Variants in SPHK2 observed in about 807,000 individuals in gnomAD.
SPHK2 encodes the protein sphingosine kinase 2.
In SPHK2, 18 loss-of-function variants were observed where a neutral mutation model predicts 32.3. The ratio of observed to expected loss-of-function variants is 0.56; its 90% CI spans 0.39 to 0.83. The LOEUF is 0.83. SPHK2 is among the 40% of genes least tolerant of loss of function. The pLI is 0.00. For synonymous variants in SPHK2, 462 were observed against 417.6 expected (o/e 1.11, Z -1.30); for missense variants, 850 against 908.7 (o/e 0.94, Z 0.83).
chr19:48,619,524 C>G lies in SPHK2; in HGVS notation c.-133C>G. ...GCCTCTCAGTGGCTCCCGGAGGACCCGGCGGGCCCAGTGTTGGAGGTGAGG... is the reference window on the plus strand; with the variant it reads ...GCCTCTCAGTGGCTCCCGGAGGACCGGGCGGGCCCAGTGTTGGAGGTGAGG... On this transcript the variant is annotated 5_prime_UTR_variant, in exon 1 of 7. Transcript: ENST00000245222. The G allele has an allele frequency of 3.6e-6, 1 of 279,832 alleles. No individual in the cohort carries two copies. The allele number at this position is 279,832 out of a possible 1,614,324, so 17.3% of individuals were successfully genotyped here.
At chr19:48,625,651 C>A in intron 2 of SPHK2, 1 of 1,530,048 alleles carries the variant, frequency 6.5e-7, no homozygotes, top group South Asian at 1.2e-5. Context: ...GTACTGAATA[C>A]TTACTGGGGA....
At chr19:48,625,522 A>ACC in intron 2 of SPHK2, 1 of 1,244,588 alleles carries the variant, frequency 8.0e-7, no homozygotes, top group South Asian at 1.5e-5. Context: ...TCATCACCCA[A>ACC]CCACCTGTAT....
rs767246546 is a variant in SPHK2, at chr19:48,627,839, C to A, written c.659C>A (p.Thr220Lys). The A allele has an allele frequency of 6.2e-7, 1 of 1,609,862 alleles. No individual in the cohort carries two copies. Among genetic ancestry groups the A allele is most frequent in the African/African-American group, 1.3e-5 (1 of 74,934 alleles). ...GGGCTGTCCTTCAACCTCATCCAGA[C>A]AGGTAAGGGCCAGTGAGAATGGGAG... ...EAGLSFNLIQTERQNHARELV... is the reference protein window; with the variant it reads ...EAGLSFNLIQKERQNHARELV... Residue 220 changes from threonine to lysine, a missense_variant and splice_region_variant, in exon 4 of 7, where the codon ACA becomes AAA. Thr to Lys is a moderately conservative substitution (Grantham distance 78, BLOSUM62 -1). This residue lies in a region of SPHK2 where 544 missense variants were observed against 640.0 expected (regional missense o/e 0.85). Coordinates refer to ENST00000245222, the MANE Select transcript of SPHK2 (RefSeq NM_020126.5).
intron 2 of SPHK2, chr19:48,623,313 C>T (rs941604455): frequency 7.9e-5 from 12 of 151,996 alleles, no homozygotes; most frequent in African/African-American, 2.4e-4. Context: ...GACTCCTGAC[C>T]TGGCGATCCA....
At position 48,629,573 on chromosome 19, in the gene SPHK2, C is replaced by T; in HGVS notation, c.1765C>T (p.Arg589Cys). 1 of 1,598,758 alleles carries T rather than the reference C, an allele frequency of 6.3e-7. No homozygotes were observed. Among genetic ancestry groups the T allele is most frequent in the Non-Finnish European group, 8.5e-7 (1 of 1,173,274 alleles). Residue 589 changes from arginine (R) to cysteine (C), a missense_variant, in exon 7 of 7, where the codon CGT becomes TGT. Transcript: ENST00000245222. ...ALLRLFLAME[R>C]GSHFSLGCPQ... ...GCTGCGCCTTTTCTTGGCCATGGAG[C>T]GTGGTAGCCACTTCAGCCTGGGCTG... is the stretch of plus-strand genomic sequence containing the variant.
In SPHK2 at chr19:48,630,153, C is replaced by G; in HGVS notation, c.*380C>G. 1.6e-6 allele frequency: 2 copies of G among 1,245,982 alleles called. No individual in the cohort carries two copies. Among genetic ancestry groups the G allele is most frequent in the Non-Finnish European group, 2.0e-6 (2 of 992,698 alleles). The allele number at this position is 1,245,982 out of a possible 1,614,324, so 77.2% of individuals were successfully genotyped here. On this transcript the variant is annotated 3_prime_UTR_variant, in exon 7 of 7. Transcript: ENST00000245222. The surrounding 1 kb of genome is among the most constrained non-coding windows in gnomAD (Gnocchi z 4.9). ...CCTGGAATGTACTGGCTGGGGTAGG[C>G]CTCAGTGAGTCGGCCGGTCAGGGCC...
rs1196496398 is a variant in SPHK2, at chr19:48,626,076, C to T, written c.225C>T (p.His75=). The T allele has an allele frequency of 6.2e-7, 1 of 1,613,090 alleles. No individual in the cohort carries two copies. Among genetic ancestry groups the T allele is most frequent in the Non-Finnish European group, 8.5e-7 (1 of 1,179,726 alleles). ...FALTLTSQAL[H]IQRLRPKPEA... ...TCACCCTTACATCGCAGGCCCTGCA[C>T]ATACAGCGGCTGCGCCCCAAACCTG... Residue 75 remains histidine, a synonymous_variant, in exon 3 of 7, where the codon CAC becomes CAT. Coordinates refer to ENST00000245222, the MANE Select transcript of SPHK2 (RefSeq NM_020126.5).
intron 1 of SPHK2, chr19:48,619,855 G>A (rs1440825936): frequency 6.5e-6 from 1 of 153,362 alleles, no homozygotes; most frequent in Non-Finnish European, 1.5e-5. Context: ...TCCGTGGCTT[G>A]GGGGTGGGGG....
chr19:48,622,757 CTTTTTTTT>C (rs779108312), intron 2 of SPHK2, among the ~76,000 whole-genome samples: 4 of 108,546 alleles, frequency 3.7e-5, no homozygotes, highest in East Asian at 2.8e-4. Flanking sequence ...ATTTGTCTCT[CTTTTTTTT>C]TTTTTTTTTT....
chr19:48,629,743 G>A lies in SPHK2; in HGVS notation c.1935G>A (p.Gly645=), dbSNP rs1201762518. 1.9e-6 allele frequency: 3 copies of A among 1,587,538 alleles called. No individual in the cohort carries two copies. Among genetic ancestry groups the A allele is most frequent in the Non-Finnish European group, 2.6e-6 (3 of 1,163,974 alleles). The change falls in exon 7 of 7, where the codon GGG becomes GGA. Residue 645 remains glycine, a synonymous_variant. Coordinates refer to ENST00000245222, the MANE Select transcript of SPHK2 (RefSeq NM_020126.5). ...MHPGIGTLLT[G]PPGCPGREP ...CTGGCATCGGTACACTGCTCACTGG[G>A]CCTCCTGGCTGCCCGGGGCGGGAGC...
rs2030461307 is a variant in SPHK2 at position 48,630,009 on chromosome 19, G to C, written c.*236G>C. 4 of 1,366,820 alleles carry C rather than the reference G, an allele frequency of 2.9e-6. No individual in the cohort carries two copies. In the South Asian group the frequency reaches 5.9e-5, roughly 20 times the overall value. The allele number at this position is 1,366,820 out of a possible 1,614,324, so 84.7% of individuals were successfully genotyped here. A position where few individuals can be genotyped will look rare whatever the true frequency, so the allele number is the denominator to read the frequency against. On this transcript the variant is annotated 3_prime_UTR_variant, in exon 7 of 7. Coordinates refer to ENST00000245222, the MANE Select transcript of SPHK2 (RefSeq NM_020126.5). The surrounding 1 kb of genome is among the most constrained non-coding windows in gnomAD (Gnocchi z 4.9). ...GCCTGATCAATGAGGGCGGGGCCTG[G>C]CGTCTGATCTGGGGCCGCCCTTACG...
At chr19:48,621,227 G>A (rs916133283) in intron 2 of SPHK2, among the ~76,000 whole-genome samples, 4 of 152,176 alleles carry the variant, frequency 2.6e-5, no homozygotes, top group African/African-American at 9.6e-5. Context: ...TTACAGGCAT[G>A]CGCCACCACA....
chr19:48,627,791 T>G lies in SPHK2; in HGVS notation c.611T>G (p.Val204Gly). Reference protein sequence around the residue: ...GLAWQWCKNHVLPMISEAGLS... With the variant: ...GLAWQWCKNHGLPMISEAGLS... ...GCCTGGCAGTGGTGTAAGAACCACGTGCTTCCCATGATCTCTGAAGCTGGG... is the reference window on the plus strand; with the variant it reads ...GCCTGGCAGTGGTGTAAGAACCACGGGCTTCCCATGATCTCTGAAGCTGGG... The change falls in exon 4 of 7, where the codon GTG becomes GGG. Residue 204 changes from valine (V) to glycine (G), a missense_variant. Val to Gly is a moderately radical substitution (Grantham distance 109). This residue lies in a region of SPHK2 where 544 missense variants were observed against 640.0 expected (regional missense o/e 0.85). Transcript: ENST00000245222. 1 of 1,613,948 alleles carries G rather than the reference T, an allele frequency of 6.2e-7. No individual in the cohort carries two copies. The highest frequency in any genetic ancestry group is 8.5e-7 in the Non-Finnish European group (1 of 1,179,936).
chr19:48,624,274 G>GA (rs1974519636), intron 2 of SPHK2: 2 of 152,426 alleles, frequency 1.3e-5, no homozygotes, highest in East Asian at 3.9e-4. Context: ...CCAAGCTCGC[G>GA]AGCTGACTGG....
chr19:48,626,504 G>T, intron 3 of SPHK2, 142 bp downstream of exon 3: 1 of 1,122,720 alleles, frequency 8.9e-7, no homozygotes, highest in South Asian at 1.8e-5. Flanking sequence ...ACACAGGGAT[G>T]GGCTACAGAA....
Position 48,628,539 on chromosome 19 carries a change from C to T in SPHK2, c.873-142C>T, listed in dbSNP as rs1469339953. The stretch of plus-strand genomic sequence containing the variant: ...CCAGGAACCTGGCCCCGTAAGGAGT[C>T]GCCTGGAGGTGGCCCCACGGCTGTG... On this transcript the variant is annotated intron_variant, in intron 6 of 6. Coordinates refer to ENST00000245222, the MANE Select transcript of SPHK2 (RefSeq NM_020126.5). The surrounding 1 kb of genome is among the most constrained non-coding windows in gnomAD (Gnocchi z 5.2). 1.1e-5 allele frequency: 12 copies of T among 1,075,012 alleles called. No homozygotes were observed. The highest frequency in any genetic ancestry group is 2.4e-5 in the East Asian group (1 of 42,138). 66.6% of individuals were successfully genotyped at this position (1,075,012 alleles called of 1,614,324 possible). A position where few individuals can be genotyped will look rare whatever the true frequency, so the allele number is the denominator to read the frequency against.
intron 2 of SPHK2, chr19:48,625,040 C>T: frequency 1.0e-6 from 1 of 991,742 alleles, no homozygotes; most frequent in South Asian, 4.5e-5. Flanking sequence ...GTCCTGCTCC[C>T]ACCCGCTCCC....
intron 2 of SPHK2, 23 bp from the exon 3 acceptor site, chr19:48,625,868 C>T: frequency 6.2e-7 from 1 of 1,607,530 alleles, no homozygotes; most frequent in Non-Finnish European, 8.5e-7. Context: ...AATTCTCACC[C>T]CTTCTCTCCT....
chr19:48,622,274 A>T (rs1014532202), intron 2 of SPHK2, among the ~76,000 whole-genome samples: 1 of 99,484 alleles, frequency 1.0e-5, no homozygotes, highest in Non-Finnish European at 1.8e-5. Context: ...AAAAAAAAAT[A>T]AAAAAAAATA....
Sources: gnomAD v4.1 joint callset for allele counts (sites outside exome capture counted in the v4.1 genomes callset) on GRCh38, gnomAD v4.1.1 for gene constraint, gnomAD v4.1.1 regional missense constraint, Gnocchi (gnomAD v3.1) non-coding constraint, MANE v1.5 for transcripts, NCBI Gene and HGNC (gene_info 2026-07-23, HGNC 2026-07-21) for gene names.